Variants in EFCAB3 observed in about 807,000 individuals in gnomAD.
EFCAB3 encodes the protein EF-hand calcium binding domain 3.
Under a neutral mutation model 42.2 loss-of-function variants are expected in EFCAB3, and 36 were observed. The observed-to-expected ratio is 0.85, with a 90% CI of 0.65 to 1.13. EFCAB3 has a LOEUF of 1.13. Among genes scored for constraint, EFCAB3 ranks in the 50% most tolerant of loss-of-function variants. EFCAB3 has a pLI of 0.00. For synonymous variants in EFCAB3, 170 were observed against 172.8 expected (o/e 0.98, Z 0.13); for missense variants, 418 against 505.1 (o/e 0.83, Z 1.65).
At chr17:62,380,997 AT>A (rs1038691284) in intron 1 of EFCAB3, among the ~76,000 whole-genome samples, 64 of 152,188 alleles carry the variant, frequency 4.2e-4, no homozygotes, top group African/African-American at 1.3e-3. Context: ...TACACTCTAC[AT>A]TTTTTTATTA....
At chr17:62,411,884 GGAAGGAAGGAAGGAAGGAAGGGA>G in intron 8 of EFCAB3, among the ~76,000 whole-genome samples, 1 of 58,604 alleles carries the variant, frequency 1.7e-5, no homozygotes. Flanking sequence ...AAGGAAGGAA[GGAAGGAAGGAAGGAAGGAAGGGA>G]GGGAGGGAGG....
chr17:62,392,677 G>A (rs2070314146), intron 4 of EFCAB3, among the ~76,000 whole-genome samples: 1 of 151,160 alleles, frequency 6.6e-6, no homozygotes, highest in South Asian at 2.1e-4. Context: ...TTGCTCTGTT[G>A]CCCAGGCTGG....
intron 6 of EFCAB3, among the ~76,000 whole-genome samples, chr17:62,400,086 G>A (rs1167419497): frequency 6.6e-6 from 1 of 152,028 alleles, no homozygotes; most frequent in Admixed American, 6.6e-5. Context: ...GCACAGAGAA[G>A]ATCACACTGG....
Position 62,373,366 on chromosome 17 carries a change from A to C in EFCAB3, c.35-448A>C, listed in dbSNP as rs1027511411. ...AGTGGCTCACACTTGTAATCCCAAC[A>C]CTTTGGGAGGCCAAGGCGTGAGGAT... On this transcript the variant is annotated intron_variant, in intron 1 of 11. Coordinates refer to the EFCAB3 transcript ENST00000450662. 5.9e-5 allele frequency among the ~76,000 whole-genome samples: 9 copies of C among 151,540 alleles called. No homozygotes were observed. In the South Asian group the frequency reaches 1.9e-3, roughly 32 times the overall value.
chr17:62,405,827 T>A (rs910132160), intron 6 of EFCAB3, among the ~76,000 whole-genome samples: 4 of 152,208 alleles, frequency 2.6e-5, no homozygotes, highest in African/African-American at 9.6e-5. Context: ...CCAAAAAAAA[T>A]GATAGGAAAG....
At chr17:62,412,589 C>CTA (rs1048523063) in intron 8 of EFCAB3, among the ~76,000 whole-genome samples, 29 of 151,848 alleles carry the variant, frequency 1.9e-4, no homozygotes, top group African/African-American at 6.8e-4. Context: ...TTCAGCCTCT[C>CTA]TAGTAGCTGG....
At chr17:62,371,823 A>G (rs912578623) in intron 1 of EFCAB3, among the ~76,000 whole-genome samples, 2 of 152,188 alleles carry the variant, frequency 1.3e-5, no homozygotes, top group South Asian at 4.1e-4. Context: ...CCCTTGTGCT[A>G]TATAAATACT....
At chr17:62,391,210 A>G (rs80265596) in intron 3 of EFCAB3, among the ~76,000 whole-genome samples, 6,612 of 152,142 alleles carry the variant, frequency 0.043, 503 homozygotes, top group African/African-American at 0.15. Flanking sequence ...GATGGTCTCA[A>G]TCTCCTGACC....
chr17:62,397,210 G>C (rs1304624497), intron 6 of EFCAB3, among the ~76,000 whole-genome samples: 1 of 152,156 alleles, frequency 6.6e-6, no homozygotes, highest in Non-Finnish European at 1.5e-5. Flanking sequence ...CATCTTGCTA[G>C]TGCCTGATAC....
chr17:62,387,393 A>C lies in EFCAB3; in HGVS notation c.128A>C (p.Lys43Thr). ...TGCCAATTACAACACAAAGAAAAGA[A>C]GCTAAGTGCTTCACAAATGGCAGGT... is the stretch of plus-strand genomic sequence containing the variant. ...LQCQLQHKEK[K>T]LSASQMAAFQ... is the part of the protein sequence containing the mutation. The change falls in exon 3 of 10, where the codon AAG (lysine) becomes ACG (threonine). Residue 43 changes from lysine (K) to threonine (T), a missense_variant. Lys to Thr is a moderately conservative substitution (Grantham distance 78). Transcript: ENST00000305286. 1 of 1,612,024 alleles carries C rather than the reference A, an allele frequency of 6.2e-7. No individual in the cohort carries two copies. The highest frequency in any genetic ancestry group is 2.2e-5 in the East Asian group (1 of 44,778).
At chr17:62,374,997 C>T (rs2070139421) in intron 2 of EFCAB3, among the ~76,000 whole-genome samples, 1 of 152,108 alleles carries the variant, frequency 6.6e-6, no homozygotes, top group African/African-American at 2.4e-5. Context: ...ACCTGTAGTT[C>T]CAGCTACTCA....
chr17:62,407,400 T>C (rs1294923612), intron 8 of EFCAB3, among the ~76,000 whole-genome samples, 188 bp downstream of exon 8: 4 of 152,140 alleles, frequency 2.6e-5, no homozygotes, highest in Non-Finnish European at 5.9e-5. Context: ...TAGGTAAACT[T>C]ACTAAAAAAT....
At chr17:62,389,109 A>G (rs890259877) in intron 3 of EFCAB3, among the ~76,000 whole-genome samples, 1 of 152,168 alleles carries the variant, frequency 6.6e-6, no homozygotes, top group African/African-American at 2.4e-5. Flanking sequence ...AAGAAACTCT[A>G]TTGTGGTTTC....
chr17:62,375,931 T>C (rs548434967), upstream of EFCAB3, among the ~76,000 whole-genome samples: 1 of 152,244 alleles, frequency 6.6e-6, no homozygotes, highest in East Asian at 1.9e-4. Context: ...CTAGTGCTAT[T>C]CTTTCTTTTT....
intron 8 of EFCAB3, among the ~76,000 whole-genome samples, chr17:62,410,464 T>C (rs2070485502): frequency 6.6e-6 from 1 of 152,020 alleles, no homozygotes; most frequent in Non-Finnish European, 1.5e-5. Flanking sequence ...CGTTAAAATA[T>C]TGGATAGGGC....
chr17:62,407,006 A>G (rs2070453484), intron 7 of EFCAB3, 22 bp from the exon 8 acceptor site: 2 of 1,563,836 alleles, frequency 1.3e-6, no homozygotes, highest in African/African-American at 1.4e-5. Flanking sequence ...TTGTGATACC[A>G]TTTTTGTTTT....
At chr17:62,408,679 A>G (rs2070468848) in intron 8 of EFCAB3, among the ~76,000 whole-genome samples, 1 of 152,218 alleles carries the variant, frequency 6.6e-6, no homozygotes, top group East Asian at 1.9e-4. Flanking sequence ...AGAAATATAG[A>G]AAATTTCCAT....
chr17:62,372,950 T>C (rs2070124430), intron 1 of EFCAB3, among the ~76,000 whole-genome samples: 1 of 152,124 alleles, frequency 6.6e-6, no homozygotes, highest in South Asian at 2.1e-4. Context: ...ATTAATACAA[T>C]TTCCTAAAGC....
chr17:62,390,030 C>T (rs2070289891), intron 3 of EFCAB3, among the ~76,000 whole-genome samples: 1 of 151,980 alleles, frequency 6.6e-6, no homozygotes, highest in African/African-American at 2.4e-5. Flanking sequence ...TCGTGATCCA[C>T]CCACCTTGGC....
Sources: allele counts gnomAD v4.1 joint callset (sites outside exome capture counted in the v4.1 genomes callset), GRCh38; gene constraint gnomAD v4.1.1; transcripts MANE v1.5; gene names NCBI Gene and HGNC (gene_info 2026-07-23, HGNC 2026-07-21).